SDK1: variants seen among roughly 807,000 people sequenced by gnomAD.
SDK1 encodes the protein protein sidekick-1.
In SDK1, 157 loss-of-function variants were observed where a neutral mutation model predicts 245.5. The observed-to-expected ratio is 0.64, with a 90% CI of 0.56 to 0.73. SDK1 has a LOEUF of 0.73. SDK1 is among the 30% of genes least tolerant of loss of function. The pLI is 0.00. For missense variants in SDK1, 3,583 were observed against 3,002.3 expected (o/e 1.19, Z -4.52); for synonymous variants, 1,647 against 1,278.5 (o/e 1.29, Z -6.15).
intron 21 of SDK1, among the ~76,000 whole-genome samples, chr7:4,078,303 G>C (rs1217191822): frequency 6.6e-6 from 1 of 152,160 alleles, no homozygotes; most frequent in Non-Finnish European, 1.5e-5. Context: ...ACCATGTTCT[G>C]TTTACCGTGC....
At chr7:3,954,616 A>C (rs1781112687) in intron 7 of SDK1, among the ~76,000 whole-genome samples, 2 of 83,506 alleles carry the variant, frequency 2.4e-5, no homozygotes, top group Non-Finnish European at 4.6e-5. Context: ...CCTCCCCTCT[A>C]CACCTTCCCC....
chr7:3,822,006 A>G (rs184431153), intron 5 of SDK1, among the ~76,000 whole-genome samples: 1 of 152,314 alleles, frequency 6.6e-6, no homozygotes, highest in Non-Finnish European at 1.5e-5. Context: ...TTGTACGAAA[A>G]TTAGCAGTAT....
chr7:3,883,744 C>G (rs1400085152), intron 5 of SDK1, among the ~76,000 whole-genome samples: 1 of 141,056 alleles, frequency 7.1e-6, no homozygotes, highest in South Asian at 2.6e-4. Context: ...GATCATCACT[C>G]TTCCTCCACG....
intron 4 of SDK1, among the ~76,000 whole-genome samples, chr7:3,789,304 C>A (rs1372838262): frequency 6.6e-6 from 1 of 152,126 alleles, no homozygotes; most frequent in African/African-American, 2.4e-5. Context: ...TGCGCCACCA[C>A]GCCCGGCTAA....
chr7:3,690,527 G>T (rs1446058701), intron 4 of SDK1, among the ~76,000 whole-genome samples: 1 of 151,828 alleles, frequency 6.6e-6, no homozygotes, highest in South Asian at 2.1e-4. Flanking sequence ...ACCTTTTGCT[G>T]GCATTTAGGA....
chr7:4,019,784 G>A (rs1786725533), intron 17 of SDK1, among the ~76,000 whole-genome samples: 1 of 152,106 alleles, frequency 6.6e-6, no homozygotes, highest in South Asian at 2.1e-4. Context: ...AGACACAGTC[G>A]TAATTCCTGT....
At chr7:4,031,220 C>T (rs1259837842) in intron 17 of SDK1, among the ~76,000 whole-genome samples, 1 of 152,206 alleles carries the variant, frequency 6.6e-6, no homozygotes, top group South Asian at 2.1e-4. Context: ...CACACATACA[C>T]ATATGCATGC....
chr7:4,202,181 C>A (rs944647705), intron 35 of SDK1, among the ~76,000 whole-genome samples: 4 of 152,162 alleles, frequency 2.6e-5, no homozygotes, highest in Admixed American at 2.6e-4. Context: ...TATTGTGATG[C>A]GTGTCTCTCT....
At chr7:3,359,954 A>G (rs1267452788) in intron 1 of SDK1, among the ~76,000 whole-genome samples, 4 of 152,196 alleles carry the variant, frequency 2.6e-5, no homozygotes, top group Non-Finnish European at 5.9e-5. Context: ...TACTTTATTT[A>G]CAGCAACAGA....
At chr7:3,372,325 G>T (rs1277344557) in intron 1 of SDK1, among the ~76,000 whole-genome samples, 1 of 152,140 alleles carries the variant, frequency 6.6e-6, no homozygotes, top group Non-Finnish European at 1.5e-5. Flanking sequence ...TCAGGAAGTT[G>T]GGTCATCCAA....
chr7:3,982,697 G>A (rs1309280745), intron 13 of SDK1, among the ~76,000 whole-genome samples: 3 of 152,064 alleles, frequency 2.0e-5, no homozygotes, highest in Non-Finnish European at 4.4e-5. Context: ...AAAATTAGCC[G>A]GGCTTGGTGG....
At chr7:4,011,420 T>C (rs6972233) in intron 15 of SDK1, among the ~76,000 whole-genome samples, 71,096 of 152,126 alleles carry the variant, frequency 0.47, 19,067 homozygotes, top group African/African-American at 0.75. Flanking sequence ...AGAGCTCACA[T>C]GTTTTCCGTG....
chr7:3,397,632 T>C (rs1336496005), intron 1 of SDK1, among the ~76,000 whole-genome samples: 1 of 152,054 alleles, frequency 6.6e-6, no homozygotes, highest in Non-Finnish European at 1.5e-5. Flanking sequence ...GAACATTTTG[T>C]CTTAATGTGT....
At chr7:3,742,638 A>C (rs1779508208) in intron 4 of SDK1, among the ~76,000 whole-genome samples, 1 of 152,200 alleles carries the variant, frequency 6.6e-6, no homozygotes, top group Admixed American at 6.5e-5. Flanking sequence ...AAAGCTTCCA[A>C]GCACAGCCAT....
intron 1 of SDK1, among the ~76,000 whole-genome samples, chr7:3,491,099 GT>G (rs1394387885): frequency 6.6e-6 from 1 of 152,176 alleles, no homozygotes; most frequent in Non-Finnish European, 1.5e-5. Flanking sequence ...GCCGAAAAAG[GT>G]TAAGGACCTT....
At chr7:3,746,674 A>G (rs1013543235) in intron 4 of SDK1, among the ~76,000 whole-genome samples, 12 of 152,264 alleles carry the variant, frequency 7.9e-5, no homozygotes, top group Admixed American at 2.6e-4. Context: ...ATACCTCATC[A>G]TTGGTTACAG....
intron 35 of SDK1, among the ~76,000 whole-genome samples, 180 bp from the exon 36 acceptor site, chr7:4,205,699 A>T (rs1421275542): frequency 1.3e-5 from 2 of 152,258 alleles, no homozygotes; most frequent in Non-Finnish European, 2.9e-5. Context: ...ACACAGAGCC[A>T]CGGATCCCAG....
intron 5 of SDK1, among the ~76,000 whole-genome samples, chr7:3,902,262 A>T (rs901778606): frequency 1.3e-5 from 2 of 152,162 alleles, no homozygotes; most frequent in Non-Finnish European, 2.9e-5. Flanking sequence ...CCAGTTCATC[A>T]TCACAGGGTT....
chr7:3,977,565 G>C (rs1399021921), intron 13 of SDK1, among the ~76,000 whole-genome samples: 1 of 152,256 alleles, frequency 6.6e-6, no homozygotes, highest in Non-Finnish European at 1.5e-5. Flanking sequence ...GCGGTTGGGT[G>C]CTGTCATCCG....
Sources: allele counts gnomAD v4.1 joint callset (sites outside exome capture counted in the v4.1 genomes callset), GRCh38; gene constraint gnomAD v4.1.1; transcripts MANE v1.5; gene names NCBI Gene and HGNC (gene_info 2026-07-23, HGNC 2026-07-21).